The following KIF16B variants were observed in gnomAD, a reference collection of about 807,000 sequenced individuals.
The protein encoded by KIF16B is kinesin family member 16B.
In KIF16B, 98 loss-of-function variants were observed where a neutral mutation model predicts 156.3. The ratio of observed to expected loss-of-function variants is 0.63; its 90% CI spans 0.53 to 0.74. The LOEUF is 0.74. Ranked by LOEUF, KIF16B falls within the 30% of genes least tolerant of loss-of-function variation. The probability of loss-of-function intolerance (pLI) is 0.00; values close to 1 mark genes in which losing one functional copy is unlikely to be tolerated. For missense variants in KIF16B, 1,421 were observed against 1,606.5 expected, an observed-to-expected ratio of 0.88 and a Z score of 1.97; for synonymous variants, 564 against 583.7, an observed-to-expected ratio of 0.97 and a Z score of 0.49.
chr20:16,298,747 A>C (rs1057296330), intron 25 of KIF16B, among the ~76,000 whole-genome samples: 1 of 152,060 alleles, frequency 6.6e-6, no homozygotes, highest in Non-Finnish European at 1.5e-5. Context: ...CTTGCAAAAA[A>C]AAATCAAACC....
intron 1 of KIF16B, among the ~76,000 whole-genome samples, chr20:16,558,614 G>C (rs561320595): frequency 2.6e-5 from 4 of 152,340 alleles, no homozygotes; most frequent in African/African-American, 9.6e-5. Flanking sequence ...ACGAAAATGT[G>C]GGGGTAGGGT....
chr20:16,563,392 A>G (rs953701705), intron 1 of KIF16B, among the ~76,000 whole-genome samples: 1 of 152,354 alleles, frequency 6.6e-6, no homozygotes, highest in African/African-American at 2.4e-5. Context: ...GTCCTCAGGA[A>G]GGAGCTAAAA....
intron 1 of KIF16B, among the ~76,000 whole-genome samples, chr20:16,559,085 T>C (rs774720896): frequency 4.6e-5 from 7 of 151,972 alleles, no homozygotes; most frequent in East Asian, 1.9e-4. Context: ...CCTATAGGCA[T>C]TGAGTTTGCA....
chr20:16,378,266 T>C (rs142160265), intron 19 of KIF16B, among the ~76,000 whole-genome samples: 6 of 142,660 alleles, frequency 4.2e-5, no homozygotes, highest in African/African-American at 1.3e-4. Flanking sequence ...GGGAAGAAAA[T>C]AGGGAGAGAA....
intron 1 of KIF16B, among the ~76,000 whole-genome samples, chr20:16,545,994 G>A (rs1180645074): frequency 6.6e-6 from 1 of 151,992 alleles, no homozygotes; most frequent in African/African-American, 2.4e-5. Context: ...GCTAGGGAAG[G>A]GATACTGGTA....
At chr20:16,557,158 T>TAC (rs74175699) in intron 1 of KIF16B, among the ~76,000 whole-genome samples, 68,700 of 147,152 alleles carry the variant, frequency 0.47, 16,069 homozygotes, top group African/African-American at 0.53. Context: ...TATATATATA[T>TAC]ACACACACAC....
intron 12 of KIF16B, among the ~76,000 whole-genome samples, chr20:16,464,425 T>A (rs2067430517): frequency 1.3e-5 from 2 of 152,224 alleles, no homozygotes; most frequent in Non-Finnish European, 2.9e-5. Context: ...TTTTTAACAT[T>A]GGTGATGGTG....
chr20:16,561,564 CA>C (rs1434363786), intron 1 of KIF16B, among the ~76,000 whole-genome samples: 1 of 151,300 alleles, frequency 6.6e-6, no homozygotes, highest in East Asian at 1.9e-4. Context: ...AAACTGAAGT[CA>C]AAAATTTTAA....
chr20:16,465,911 C>T (rs140155511), intron 12 of KIF16B, among the ~76,000 whole-genome samples: 121 of 152,238 alleles, frequency 7.9e-4, no homozygotes, highest in African/African-American at 2.6e-3. Flanking sequence ...GTTCCATATC[C>T]CGTGTCTCAG....
intron 12 of KIF16B, among the ~76,000 whole-genome samples, chr20:16,437,747 G>A (rs533167766): frequency 6.6e-6 from 1 of 152,264 alleles, no homozygotes; most frequent in South Asian, 2.1e-4. Flanking sequence ...ACTCAGTAAG[G>A]AGGTATTATT....
rs1261899486 is a variant in KIF16B, at chr20:16,410,027, ATG to A, written c.1613-3573_1613-3572del. 1.1e-4 allele frequency among the ~76,000 whole-genome samples: 11 copies of A among 104,730 alleles called. 1 individual carries two copies. Among genetic ancestry groups the A allele is most frequent in the African/African-American group, 2.2e-4 (6 of 26,754 alleles). 68.7% of individuals were successfully genotyped at this position (104,730 alleles called of 152,430 possible). A position where few individuals can be genotyped will look rare whatever the true frequency, so the allele number is the denominator to read the frequency against. On this transcript the variant is annotated intron_variant, in intron 15 of 25. Transcript: ENST00000354981. ...TATATATATGTAGGTACATATATATATGTAGGTACATATATATATGTTGGTAC... is the reference window on the plus strand; with the variant it reads ...TATATATATGTAGGTACATATATATATAGGTACATATATATATGTTGGTAC...
chr20:16,378,729 A>C (rs2065011324), intron 19 of KIF16B, 76 bp downstream of exon 19: 1 of 1,402,836 alleles, frequency 7.1e-7, no homozygotes, highest in Non-Finnish European at 9.6e-7. Flanking sequence ...AAAAAGGATA[A>C]ACACAACATG....
chr20:16,348,918 C>T (rs79633275), intron 23 of KIF16B, among the ~76,000 whole-genome samples: 3,499 of 152,302 alleles, frequency 0.023, 58 homozygotes, highest in Admixed American at 0.039. Flanking sequence ...AATGCTGCCT[C>T]ATGATATGCA....
chr20:16,410,056 T>TATATATATGTAGGTAC lies in KIF16B; in HGVS notation c.1613-3601_1613-3600insGTACCTACATATATAT, dbSNP rs1568948430. On this transcript the variant is annotated intron_variant, in intron 15 of 25. Transcript: ENST00000354981. The stretch of plus-strand genomic sequence containing the variant: ...AGGTACATATATATATGTTGGTACA[T>TATATATATGTAGGTAC]ATATATATATGTAGGTACATATATA... Among the ~76,000 whole-genome samples the TATATATATGTAGGTAC allele has an allele frequency of 9.7e-4, 30 of 30,810 alleles. 2 individuals are homozygous for TATATATATGTAGGTAC. The highest frequency in any genetic ancestry group is 5.0e-3 in the African/African-American group (27 of 5,432). 20.2% of individuals were successfully genotyped at this position (30,810 alleles called of 152,430 possible). A position where few individuals can be genotyped will look rare whatever the true frequency, so the allele number is the denominator to read the frequency against.
At chr20:16,461,730 C>T (rs192967879) in intron 12 of KIF16B, among the ~76,000 whole-genome samples, 37 of 152,182 alleles carry the variant, frequency 2.4e-4, no homozygotes, top group African/African-American at 7.9e-4. Context: ...AGGTTATTAA[C>T]AAGTAACTGT....
At position 16,371,727 on chromosome 20, in the gene KIF16B, G is replaced by A. The variant is rs767967206; in HGVS notation, c.3385C>T (p.Arg1129Cys). ...NAYIEEEVQRRLQDLHRVISE... is the reference protein window; with the variant it reads ...NAYIEEEVQRCLQDLHRVISE... ...ATCACACGATGCAAATCCTGAAGGC[G>A]TCTTTGGACTTCTTCTTCAATGTAA... is the stretch of plus-strand genomic sequence containing the variant. The change falls in exon 21 of 26, where the codon CGC becomes TGC. Residue 1129 changes from arginine (R) to cysteine (C), a missense_variant. Arg to Cys is a radical substitution (Grantham distance 180). Coordinates refer to ENST00000354981, the MANE Select transcript of KIF16B (RefSeq NM_024704.5). 6.2e-6 allele frequency: 10 copies of A among 1,613,700 alleles called. No individual in the cohort carries two copies. The East Asian group carries it at 6.7e-5, about 11-fold the overall frequency.
intron 23 of KIF16B, among the ~76,000 whole-genome samples, chr20:16,338,759 A>G (rs530010424): frequency 6.6e-6 from 1 of 152,294 alleles, no homozygotes; most frequent in Admixed American, 6.5e-5. Context: ...TTAAAGTCAC[A>G]ATTGCCACCA....
chr20:16,419,732 T>C (rs1012091167), intron 15 of KIF16B, among the ~76,000 whole-genome samples: 2 of 152,078 alleles, frequency 1.3e-5, no homozygotes, highest in East Asian at 3.9e-4. Context: ...TAAAATAACA[T>C]ATTACAGTCA....
intron 1 of KIF16B, among the ~76,000 whole-genome samples, chr20:16,571,525 C>G (rs2071450269): frequency 6.7e-6 from 1 of 148,930 alleles, no homozygotes; most frequent in Non-Finnish European, 1.5e-5. Flanking sequence ...AAGATTCATG[C>G]CAGTACATAA....
Sources: gnomAD v4.1 joint callset for allele counts (sites outside exome capture counted in the v4.1 genomes callset) on GRCh38, gnomAD v4.1.1 for gene constraint, MANE v1.5 for transcripts, NCBI Gene and HGNC (gene_info 2026-07-23, HGNC 2026-07-21) for gene names.